USP8: variants seen among roughly 807,000 people sequenced by gnomAD.
USP8 encodes the protein ubiquitin carboxyl-terminal hydrolase 8.
Under a neutral mutation model 130.0 loss-of-function variants are expected in USP8, and 27 were observed. The observed-to-expected ratio is 0.21, with a 90% CI of 0.15 to 0.29. The LOEUF (loss-of-function observed/expected upper bound fraction) is 0.29. Ranked by LOEUF, USP8 falls within the 10% of genes least tolerant of loss-of-function variation. The pLI is 1.00. For synonymous variants in USP8, 392 were observed against 444.1 expected (o/e 0.88, Z 1.48); for missense variants, 1,029 against 1,312.2 (o/e 0.78, Z 3.33).
intron 14 of USP8, among the ~76,000 whole-genome samples, chr15:50,492,447 C>T (rs1270282065): frequency 6.6e-6 from 1 of 152,092 alleles, no homozygotes; most frequent in Admixed American, 6.5e-5. Context: ...CTCAAGGTGT[C>T]TCTAAGAACC....
chr15:50,463,977 T>C (rs961517981), intron 6 of USP8, among the ~76,000 whole-genome samples: 2 of 152,234 alleles, frequency 1.3e-5, no homozygotes, highest in African/African-American at 4.8e-5. Context: ...GTTAGCCTTC[T>C]TAGAAAACAA....
At chr15:50,465,607 C>A (rs1041768767) in intron 7 of USP8, among the ~76,000 whole-genome samples, 1 of 152,148 alleles carries the variant, frequency 6.6e-6, no homozygotes, top group Non-Finnish European at 1.5e-5. Flanking sequence ...TTCCCTCTCT[C>A]CCCAGATGTT....
rs201806528 is a variant in USP8, at chr15:50,471,701, A to G, written c.755A>G (p.Asn252Ser). ...DSKDTWKKRG[N>S]VEYVVLLDWF... ...AAAGACACATGGAAGAAGAGGGGGA[A>G]TGTGGAGTATGTGGTACTTCTTGAC... is the stretch of plus-strand genomic sequence containing the variant. The change falls in exon 8 of 20, where the codon AAT (asparagine) becomes AGT (serine). Residue 252 changes from asparagine to serine, a missense_variant. Physicochemically the swap from Asn to Ser is conservative, Grantham distance 46. This residue lies in a region of USP8 where 281 missense variants were observed against 336.7 expected (regional missense o/e 0.83). Coordinates refer to ENST00000307179, the MANE Select transcript of USP8 (RefSeq NM_005154.5). The G allele has an allele frequency of 4.8e-5, 77 of 1,614,066 alleles. No individual in the cohort carries two copies. The South Asian group carries it at 6.7e-4, about 14-fold the overall frequency.
At chr15:50,428,030 T>C (rs1164155700) in intron 1 of USP8, among the ~76,000 whole-genome samples, 2 of 152,052 alleles carry the variant, frequency 1.3e-5, no homozygotes, top group South Asian at 2.1e-4. Context: ...ACTAATACCA[T>C]ACTAATTCAA....
At chr15:50,446,063 A>T (rs540418463) in intron 3 of USP8, among the ~76,000 whole-genome samples, 1 of 152,152 alleles carries the variant, frequency 6.6e-6, no homozygotes, top group Non-Finnish European at 1.5e-5. Context: ...GTATTTTAAA[A>T]TTTTTATGGT....
intron 10 of USP8, among the ~76,000 whole-genome samples, chr15:50,479,338 C>G (rs1384174368): frequency 6.6e-6 from 1 of 152,162 alleles, no homozygotes. Context: ...ATAGGGCATG[C>G]TCTGGGGCCA....
In USP8 at chr15:50,484,067, CT is replaced by C. The variant is rs377701420; in HGVS notation, c.1804-198del. Among the ~76,000 whole-genome samples the C allele has an allele frequency of 3.0e-3, 448 of 148,902 alleles. 3 individuals carry two copies. Among genetic ancestry groups the C allele is most frequent in the African/African-American group, 0.01 (422 of 40,688 alleles). ...CTTCACAGTCCACTTTGATTTTCAT[CT>C]TTTTTTTTTCTTCACTGATTCATCA... On this transcript the variant is annotated intron_variant, in intron 11 of 19. Coordinates refer to ENST00000307179, the MANE Select transcript of USP8 (RefSeq NM_005154.5).
At chr15:50,478,688 C>G (rs1325029876) in intron 10 of USP8, among the ~76,000 whole-genome samples, 2 of 152,190 alleles carry the variant, frequency 1.3e-5, no homozygotes, top group Non-Finnish European at 2.9e-5. Flanking sequence ...AAACGCTAAT[C>G]CTTTTGTGTC....
At chr15:50,432,374 A>C (rs1003102122) in intron 1 of USP8, 1 of 151,800 alleles carries the variant, frequency 6.6e-6, no homozygotes, top group Non-Finnish European at 1.5e-5. Context: ...CTGTTCTTGA[A>C]CTCCTGGGCT....
intron 10 of USP8, 75 bp from the exon 11 acceptor site, chr15:50,481,406 A>C: frequency 9.0e-6 from 10 of 1,114,894 alleles, no homozygotes; most frequent in Non-Finnish European, 1.2e-5. Flanking sequence ...TTCTTTTATC[A>C]CAACTTGATC....
At position 50,508,287 on chromosome 15, in the gene USP8, C is replaced by T. The variant is rs1343831699; in HGVS notation, c.*9199C>T. On this transcript the variant is annotated 3_prime_UTR_variant, in exon 20 of 20. Transcript: ENST00000307179. Reference sequence around the variant, plus strand: ...ATACTATATCAAAACATGGGATGCACTGATGTCTGAGAATGTCTTAAAAAT... The same window carrying T: ...ATACTATATCAAAACATGGGATGCATTGATGTCTGAGAATGTCTTAAAAAT... The T allele has an allele frequency of 1.3e-5, 2 of 151,962 alleles. No homozygotes were observed. The highest frequency in any genetic ancestry group is 2.9e-5 in the Non-Finnish European group (2 of 67,992). 9.4% of individuals were successfully genotyped at this position (151,962 alleles called of 1,614,324 possible). A position where few individuals can be genotyped will look rare whatever the true frequency, so the allele number is the denominator to read the frequency against.
At chr15:50,446,002 G>T (rs539527460) in intron 3 of USP8, among the ~76,000 whole-genome samples, 137 of 152,130 alleles carry the variant, frequency 9.0e-4, no homozygotes, top group Non-Finnish European at 1.4e-3. Context: ...AGTGGGGAAA[G>T]AAAATGTATT....
chr15:50,475,262 AG>A (rs1227322372), intron 8 of USP8, among the ~76,000 whole-genome samples: 1 of 152,220 alleles, frequency 6.6e-6, no homozygotes, highest in African/African-American at 2.4e-5. Context: ...CTATAGAAAA[AG>A]GGGCAAAGGA....
chr15:50,467,663 C>T (rs2051235738), intron 7 of USP8, among the ~76,000 whole-genome samples: 1 of 151,828 alleles, frequency 6.6e-6, no homozygotes, highest in African/African-American at 2.4e-5. Flanking sequence ...TTAGATGATC[C>T]TCTCACCTCA....
At chr15:50,443,716 T>C (rs2050332317) in intron 3 of USP8, among the ~76,000 whole-genome samples, 1 of 152,018 alleles carries the variant, frequency 6.6e-6, no homozygotes, top group South Asian at 2.1e-4. Flanking sequence ...ACTCCTGACC[T>C]CATGATCCGC....
rs979658502 is a variant in USP8 at position 50,424,424 on chromosome 15, C to T, written c.-156C>T. On this transcript the variant is annotated 5_prime_UTR_variant, in exon 1 of 20. Coordinates refer to ENST00000307179, the MANE Select transcript of USP8 (RefSeq NM_005154.5). ...GGGGGTGAGCTGGGCTGGCTTCCGT[C>T]CTGGTAGCCAAGGCTAATTCTCCCT... 7.5e-6 allele frequency: 3 copies of T among 398,560 alleles called. No individual in the cohort carries two copies. 24.7% of individuals were successfully genotyped at this position (398,560 alleles called of 1,614,324 possible).
In USP8 at chr15:50,474,147, G is replaced by A. The variant is rs533151750; in HGVS notation, c.849+2352G>A. Among the ~76,000 whole-genome samples, 6 of 152,112 alleles carry A rather than the reference G, an allele frequency of 3.9e-5. No individual in the cohort carries two copies. The East Asian group carries it at 9.7e-4, about 25-fold the overall frequency. ...AGCCTCCTGAGTAGCTGAGGCGTGC[G>A]TCACCATCCTAGCTAATTTTATTTT... On this transcript the variant is annotated intron_variant, in intron 8 of 19. Transcript: ENST00000307179.
At chr15:50,492,567 TTA>T in intron 14 of USP8, 132 bp from the exon 15 acceptor site, 2 of 844,074 alleles carry the variant, frequency 2.4e-6, no homozygotes, top group Middle Eastern at 2.3e-4. Context: ...GCCCAGCATC[TTA>T]TGAGTTAACA....
chr15:50,464,731 G>A (rs995813789), intron 6 of USP8, among the ~76,000 whole-genome samples: 2 of 152,148 alleles, frequency 1.3e-5, no homozygotes, highest in Non-Finnish European at 2.9e-5. Context: ...GTAACAGCCT[G>A]TGTTCCCAGC....
Sources: allele counts gnomAD v4.1 joint callset (sites outside exome capture counted in the v4.1 genomes callset), GRCh38; gene constraint gnomAD v4.1.1; regional missense constraint gnomAD v4.1.1; transcripts MANE v1.5; gene names NCBI Gene and HGNC (gene_info 2026-07-23, HGNC 2026-07-21).